The following P2RX6 variants were observed in gnomAD, a reference collection of about 807,000 sequenced individuals.
The protein encoded by P2RX6 is P2X purinoceptor 6.
Under a neutral mutation model 54.2 loss-of-function variants are expected in P2RX6, and 62 were observed. The observed-to-expected ratio is 1.14, with a 90% CI of 0.93 to 1.41. The LOEUF (loss-of-function observed/expected upper bound fraction) is 1.41, where lower values mean the gene tolerates loss of function less well. Among genes scored for constraint, P2RX6 ranks in the 40% most tolerant of loss-of-function variants. The pLI is 0.00. For synonymous variants in P2RX6, 211 were observed against 231.9 expected (o/e 0.91, Z 0.82); for missense variants, 541 against 566.3 (o/e 0.96, Z 0.45).
At position 21,027,053 on chromosome 22, in the gene P2RX6, T is replaced by G; in HGVS notation, c.*436T>G. ...CCCATCATAGGTAGAGACCCCACCC[T>G]CCCATCGGTCCTACATGGGGCTGTG... On this transcript the variant is annotated 3_prime_UTR_variant, in exon 12 of 12. Coordinates refer to ENST00000413302, the MANE Select transcript of P2RX6 (RefSeq NM_005446.5). 1 of 191,602 alleles carries G rather than the reference T, an allele frequency of 5.2e-6. No homozygotes were observed. Among genetic ancestry groups the G allele is most frequent in the Non-Finnish European group, 1.1e-5 (1 of 92,666 alleles). The allele number at this position is 191,602 out of a possible 1,614,324, so 11.9% of individuals were successfully genotyped here. A position where few individuals can be genotyped will look rare whatever the true frequency, so the allele number is the denominator to read the frequency against.
chr22:21,024,462 G>C (rs1173984974), intron 8 of P2RX6, among the ~76,000 whole-genome samples: 3 of 152,042 alleles, frequency 2.0e-5, no homozygotes. Flanking sequence ...ATTTTTAGTA[G>C]AGACAGGGTT....
Position 21,015,257 on chromosome 22 carries a change from A to G in P2RX6, c.83A>G (p.Glu28Gly). Residue 28 changes from glutamate (E) to glycine (G), a missense_variant, in exon 1 of 12, where the codon GAG becomes GGG. Glu to Gly is a moderately conservative substitution (Grantham distance 98, BLOSUM62 -2). Transcript: ENST00000413302. ...TGWGLLDYKTEKYVMTRNWRV... is the reference protein window; with the variant it reads ...TGWGLLDYKTGKYVMTRNWRV... ...TGGGGGCTTCTGGATTATAAGACGG[A>G]GAAGTATGTGATGACCAGGAACTGG... The G allele has an allele frequency of 6.5e-7, 1 of 1,541,858 alleles. No individual in the cohort carries two copies. Among genetic ancestry groups the G allele is most frequent in the Non-Finnish European group, 8.7e-7 (1 of 1,154,704 alleles).
rs756857753 is a variant in P2RX6 at position 21,025,872 on chromosome 22, C to G, written c.958C>G (p.Arg320Gly). The G allele has an allele frequency of 2.5e-6, 4 of 1,575,014 alleles. No homozygotes were observed. Among genetic ancestry groups the G allele is most frequent in the Non-Finnish European group, 3.4e-6 (4 of 1,160,758 alleles). ...CACCCTGCTCAAGCTCTATGGAATCCGCTTCGACATCCTCGTCACCGGGCA... is the reference window on the plus strand; with the variant it reads ...CACCCTGCTCAAGCTCTATGGAATCGGCTTCGACATCCTCGTCACCGGGCA... The part of the protein sequence containing the change: ...ARTLLKLYGI[R>G]FDILVTGQAG... The change falls in exon 9 of 12, where the codon CGC (arginine) becomes GGC (glycine). Residue 320 changes from arginine (R) to glycine (G), a missense_variant. Arg to Gly is a moderately radical substitution (Grantham distance 125). This residue lies in a region of P2RX6 where 526 missense variants were observed against 531.5 expected (regional missense o/e 0.99). Transcript: ENST00000413302.
intron 3 of P2RX6, among the ~76,000 whole-genome samples, chr22:21,020,321 C>A (rs1283462382): frequency 6.6e-6 from 1 of 152,184 alleles, no homozygotes; most frequent in African/African-American, 2.4e-5. Flanking sequence ...CCCGGAAGAC[C>A]AGAGTTCTGC....
At chr22:21,020,405 A>G (rs1927142904) in intron 3 of P2RX6, among the ~76,000 whole-genome samples, 1 of 151,920 alleles carries the variant, frequency 6.6e-6, no homozygotes, top group African/African-American at 2.4e-5. Context: ...CACCTCCCTC[A>G]GCAGACACCG....
chr22:21,018,852 A>T (rs1414257028), intron 3 of P2RX6: 1 of 149,764 alleles, frequency 6.7e-6, no homozygotes, highest in African/African-American at 2.5e-5. Context: ...CCATCTCCTG[A>T]CCTCATGATC....
At chr22:21,024,878 G>GTGTT (rs58685165) in intron 8 of P2RX6, among the ~76,000 whole-genome samples, 1,143 of 110,740 alleles carry the variant, frequency 0.01, 36 homozygotes, top group African/African-American at 0.025. Context: ...TTTTTTTTGT[G>GTGTT]TTTTTTTTTT....
At chr22:21,022,549 T>G (rs1601767483) in intron 3 of P2RX6, 127 bp from the exon 4 acceptor site, 1 of 613,614 alleles carries the variant, frequency 1.6e-6, no homozygotes. Flanking sequence ...GGCGGCGGGG[T>G]GGTGAGGTTG....
In P2RX6 at chr22:21,026,030, T is replaced by C. The variant is rs763006845; in HGVS notation, c.1004T>C (p.Ile335Thr). Residue 335 changes from isoleucine (I) to threonine (T), a missense_variant, in exon 10 of 12, where the codon ATC (isoleucine) becomes ACC (threonine). Transcript: ENST00000413302. The surrounding 1 kb of genome is among the most constrained non-coding windows in gnomAD (Gnocchi z 4.0). ...TCTCAGGCAGGGAAGTTCGGGCTCA[T>C]CCCCACGGCCGTCACACTGGGCACC... ...VTGQAGKFGL[I>T]PTAVTLGTGA... 4.3e-6 allele frequency: 7 copies of C among 1,611,586 alleles called. No homozygotes were observed. Among genetic ancestry groups the C allele is most frequent in the Non-Finnish European group, 5.9e-6 (7 of 1,179,186 alleles).
At chr22:21,014,649 G>A (rs1315403170), upstream of P2RX6, among the ~76,000 whole-genome samples, 1 of 152,138 alleles carries the variant, frequency 6.6e-6, no homozygotes, top group Non-Finnish European at 1.5e-5. Flanking sequence ...AGGGCCTGGG[G>A]AACTTCGCAG....
upstream of P2RX6, chr22:21,011,640 AC>A (rs1925742226): frequency 2.7e-5 from 19 of 698,468 alleles, no homozygotes; most frequent in South Asian, 2.1e-4. Flanking sequence ...GCCAGGTACC[AC>A]CCCCCTCCCC....
chr22:21,011,636 T>C, upstream of P2RX6: 1 of 706,250 alleles, frequency 1.4e-6, no homozygotes, highest in Non-Finnish European at 2.6e-6. Context: ...CAAAGCCAGG[T>C]ACCACCCCCC....
chr22:21,025,664 T>C lies in P2RX6; in HGVS notation c.891-141T>C, dbSNP rs1479497115. The C allele has an allele frequency of 1.1e-5, 7 of 628,908 alleles. No homozygotes were observed. The Admixed American group carries it at 1.1e-4, about 10-fold the overall frequency. The allele number at this position is 628,908 out of a possible 1,614,324, so 39.0% of individuals were successfully genotyped here. ...TTGCTTTTTCTGTTTTCTCACCAATTACATAGGGCTGAGACCCAGGACTCA... is the reference window on the plus strand; with the variant it reads ...TTGCTTTTTCTGTTTTCTCACCAATCACATAGGGCTGAGACCCAGGACTCA... On this transcript the variant is annotated intron_variant, in intron 8 of 11. Coordinates refer to ENST00000413302, the MANE Select transcript of P2RX6 (RefSeq NM_005446.5).
intron 2 of P2RX6, among the ~76,000 whole-genome samples, chr22:21,016,406 G>A (rs1054969194): frequency 1.1e-4 from 16 of 152,034 alleles, no homozygotes; most frequent in Non-Finnish European, 1.5e-4. Flanking sequence ...TGGCTAACAC[G>A]GTGAAACCCC....
chr22:21,026,483 C>G lies in P2RX6; in HGVS notation c.1192C>G (p.Arg398Gly). The change falls in exon 12 of 12, where the codon CGA becomes GGA. Residue 398 changes from arginine to glycine, a missense_variant. Arg to Gly is a moderately radical substitution (Grantham distance 125, BLOSUM62 -2). Transcript: ENST00000413302. The surrounding 1 kb of genome is among the most constrained non-coding windows in gnomAD (Gnocchi z 4.0). ...GGAGCTGGCCCTTGCATCCCAAGCCCGACTGGCCGAGTGCCTCAGACGGAG... is the reference window on the plus strand; with the variant it reads ...GGAGCTGGCCCTTGCATCCCAAGCCGGACTGGCCGAGTGCCTCAGACGGAG... The part of the protein sequence containing the change: ...WRELALASQA[R>G]LAECLRRSSA... The G allele has an allele frequency of 6.2e-7, 1 of 1,600,218 alleles. No individual in the cohort carries two copies. The highest frequency in any genetic ancestry group is 8.5e-7 in the Non-Finnish European group (1 of 1,174,064).
intron 3 of P2RX6, among the ~76,000 whole-genome samples, chr22:21,022,106 GC>G (rs1927504256): frequency 6.6e-6 from 1 of 152,166 alleles, no homozygotes; most frequent in Admixed American, 6.5e-5. Context: ...GTTGTCTCAC[GC>G]CTGTAATCCC....
chr22:21,023,665 T>G (rs1457722781), intron 8 of P2RX6, 47 bp downstream of exon 8: 1 of 1,410,520 alleles, frequency 7.1e-7, no homozygotes, highest in South Asian at 1.2e-5. Context: ...CCCATCGCCC[T>G]CTCACTGTGG....
rs368481932 is a variant in P2RX6 at position 21,023,044 on chromosome 22, C to T, written c.557+9C>T. On this transcript the variant is annotated intron_variant, in intron 5 of 11. Coordinates refer to ENST00000413302, the MANE Select transcript of P2RX6 (RefSeq NM_005446.5). ...AGTGGCGTTGTGCCCTCGTAAGTGT[C>T]CCCACAATCCCCTACCCCAACTGGC... 139 of 1,612,100 alleles carry T rather than the reference C, an allele frequency of 8.6e-5. No individual in the cohort carries two copies. The African/African-American group carries it at 1.1e-3, about 13-fold the overall frequency.
chr22:21,020,686 G>A (rs1927229673), intron 3 of P2RX6, among the ~76,000 whole-genome samples: 1 of 149,862 alleles, frequency 6.7e-6, no homozygotes, highest in African/African-American at 2.5e-5. Context: ...CCACCTCCTT[G>A]GTTCAAGCGA....
Sources: gnomAD v4.1 joint callset for allele counts (sites outside exome capture counted in the v4.1 genomes callset) on GRCh38, gnomAD v4.1.1 for gene constraint, gnomAD v4.1.1 regional missense constraint, Gnocchi (gnomAD v3.1) non-coding constraint, MANE v1.5 for transcripts, NCBI Gene and HGNC (gene_info 2026-07-23, HGNC 2026-07-21) for gene names.